The following SLC1A3 variants were observed in gnomAD, a reference collection of about 807,000 sequenced individuals.
SLC1A3 encodes the protein excitatory amino acid transporter 1.
SLC1A3 carries 21 observed loss-of-function variants against 48.1 expected under a neutral mutation model. The observed-to-expected ratio is 0.44, with a 90% CI of 0.31 to 0.63. SLC1A3 has a LOEUF of 0.63. SLC1A3 is among the 20% of genes least tolerant of loss of function. The pLI, the probability that SLC1A3 is intolerant of heterozygous loss-of-function variation, is 0.08. For synonymous variants in SLC1A3, 239 were observed against 251.4 expected, an observed-to-expected ratio of 0.95 and a Z score of 0.47; for missense variants, 546 against 689.0, an observed-to-expected ratio of 0.79 and a Z score of 2.32.
rs1580053666 is a variant in SLC1A3 at position 36,686,237 on chromosome 5, G to A, written c.1597G>A (p.Glu533Lys). 6.2e-7 allele frequency: 1 copy of A among 1,614,056 alleles called. No individual in the cohort carries two copies. Among genetic ancestry groups the A allele is most frequent in the Non-Finnish European group, 8.5e-7 (1 of 1,179,890 alleles). ...YQLIAQDNETEKPIDSETKM is the reference protein window; with the variant it reads ...YQLIAQDNETKKPIDSETKM ...ACTGATTGCACAGGACAATGAAACTGAGAAACCCATCGACAGTGAAACCAA... is the reference window on the plus strand; with the variant it reads ...ACTGATTGCACAGGACAATGAAACTAAGAAACCCATCGACAGTGAAACCAA... Residue 533 changes from glutamate (E) to lysine (K), a missense_variant, in exon 10 of 10, where the codon GAG (glutamate) becomes AAG (lysine). This residue lies in a region of SLC1A3 where 56 missense variants were observed against 59.0 expected (regional missense o/e 0.95). Coordinates refer to ENST00000265113, the MANE Select transcript of SLC1A3 (RefSeq NM_004172.5).
At chr5:36,670,940 G>A (rs1393037507) in intron 3 of SLC1A3, 89 bp from the exon 4 acceptor site, 3 of 1,101,970 alleles carry the variant, frequency 2.7e-6, no homozygotes, top group Non-Finnish European at 4.1e-6. Flanking sequence ...TAAGGGTAGG[G>A]GAGTATAAAG....
chr5:36,653,870 G>T (rs1486539688), intron 3 of SLC1A3, among the ~76,000 whole-genome samples: 1 of 152,216 alleles, frequency 6.6e-6, no homozygotes, highest in Non-Finnish European at 1.5e-5. Flanking sequence ...TTTTGAGAGA[G>T]CCTCGCTCTG....
chr5:36,661,708 T>A (rs192367017), intron 3 of SLC1A3, among the ~76,000 whole-genome samples: 1 of 152,358 alleles, frequency 6.6e-6, no homozygotes, highest in East Asian at 1.9e-4. Flanking sequence ...AGGGCCAGAA[T>A]GAACTGGTCT....
intron 3 of SLC1A3, among the ~76,000 whole-genome samples, chr5:36,660,754 T>C (rs1437573682): frequency 6.6e-6 from 1 of 152,260 alleles, no homozygotes; most frequent in Non-Finnish European, 1.5e-5. Flanking sequence ...GGAACTATTC[T>C]TTTAGATAAA....
rs1441576449 is a variant in SLC1A3 at position 36,600,267 on chromosome 5, A to G, written c.-96+3589A>G. Reference sequence around the variant, plus strand: ...TCTTCAGGTTTAGAGCTGATGTGTCATGTTGCTTGTTTCATCATGAGATTT... The same window carrying G: ...TCTTCAGGTTTAGAGCTGATGTGTCGTGTTGCTTGTTTCATCATGAGATTT... On this transcript the variant is annotated intron_variant, in intron 1 of 9. Transcript: ENST00000680318. Among the ~76,000 whole-genome samples, 3 of 152,100 alleles carry G rather than the reference A, an allele frequency of 2.0e-5. No homozygotes were observed. In the East Asian group the frequency reaches 5.8e-4, roughly 29 times the overall value.
intron 9 of SLC1A3, among the ~76,000 whole-genome samples, chr5:36,684,878 C>T (rs931880163): frequency 6.6e-6 from 1 of 152,112 alleles, no homozygotes; most frequent in Non-Finnish European, 1.5e-5. Context: ...TGAGGGTGCC[C>T]GTGTCCTCTA....
chr5:36,609,196 A>G, intron 2 of SLC1A3: 17 of 982,408 alleles, frequency 1.7e-5, no homozygotes, highest in Non-Finnish European at 2.1e-5. Context: ...ATAACCAGCT[A>G]TACCTTTTTT....
At chr5:36,674,560 G>A (rs1159189197) in intron 5 of SLC1A3, among the ~76,000 whole-genome samples, 2 of 151,576 alleles carry the variant, frequency 1.3e-5, no homozygotes, top group African/African-American at 2.4e-5. Flanking sequence ...AGCCAAAGCA[G>A]AAAGGAATGG....
intron 6 of SLC1A3, 57 bp downstream of exon 6, chr5:36,677,241 T>C (rs1742252553): frequency 6.7e-7 from 1 of 1,492,858 alleles, no homozygotes; most frequent in Non-Finnish European, 9.3e-7. Flanking sequence ...GCCATCAACA[T>C]GTGTTCTGTA....
upstream of SLC1A3, among the ~76,000 whole-genome samples, chr5:36,602,071 T>C (rs921460421): frequency 1.3e-5 from 2 of 152,086 alleles, no homozygotes; most frequent in East Asian, 3.9e-4. Context: ...TGGGAGCACA[T>C]AGGAAAGGCA....
At chr5:36,599,401 A>T (rs552712040) in intron 1 of SLC1A3, among the ~76,000 whole-genome samples, 4 of 152,266 alleles carry the variant, frequency 2.6e-5, no homozygotes, top group African/African-American at 9.6e-5. Flanking sequence ...AGGCACAAAA[A>T]ATAGGACTGC....
rs1280662343 is a variant in SLC1A3 at position 36,620,776 on chromosome 5, AAAC to A, written c.182-8668_182-8666del. Among the ~76,000 whole-genome samples, 11 of 152,332 alleles carry A rather than the reference AAAC, an allele frequency of 7.2e-5. No homozygotes were observed. The South Asian group carries it at 2.3e-3, about 32-fold the overall frequency. ...ACATTTAGCAGGCAGAGAAAATAAT[AAAC>A]AACAAGCATAATAAATAGAAAATTA... On this transcript the variant is annotated intron_variant, in intron 2 of 9. Coordinates refer to ENST00000265113, the MANE Select transcript of SLC1A3 (RefSeq NM_004172.5).
At chr5:36,609,089 TTA>T (rs1351717215) in intron 2 of SLC1A3, 1 of 988,122 alleles carries the variant, frequency 1.0e-6, no homozygotes, top group African/African-American at 1.7e-5. Flanking sequence ...ACCGAATATT[TTA>T]TGTGTTTGCA....
At chr5:36,677,219 G>A (rs369975512) in intron 6 of SLC1A3, 35 bp downstream of exon 6, 101 of 1,571,864 alleles carry the variant, frequency 6.4e-5, no homozygotes, top group Admixed American at 1.7e-4. Context: ...TGTTATATAC[G>A]AGATGGTTAT....
intron 3 of SLC1A3, among the ~76,000 whole-genome samples, chr5:36,658,235 A>T (rs1741361981): frequency 6.6e-6 from 1 of 152,192 alleles, no homozygotes; most frequent in Admixed American, 6.5e-5. Context: ...ACGAGAGCAG[A>T]AGAAGCCTTA....
chr5:36,659,945 G>A (rs1363198383), intron 3 of SLC1A3, among the ~76,000 whole-genome samples: 1 of 152,210 alleles, frequency 6.6e-6, no homozygotes, highest in African/African-American at 2.4e-5. Context: ...TATTTGTGAT[G>A]AGCCATAGTC....
chr5:36,610,468 G>T (rs1441291122), intron 2 of SLC1A3, among the ~76,000 whole-genome samples: 2 of 152,136 alleles, frequency 1.3e-5, no homozygotes, highest in Non-Finnish European at 2.9e-5. Context: ...ATTTGAAAAA[G>T]ATGGAGAAAC....
chr5:36,668,788 A>G (rs146554331), intron 3 of SLC1A3: 2 of 152,284 alleles, frequency 1.3e-5, no homozygotes, highest in African/African-American at 4.8e-5. Flanking sequence ...AAACCTATGA[A>G]CTTTATTTTC....
intron 4 of SLC1A3, among the ~76,000 whole-genome samples, chr5:36,672,707 C>T (rs1742047296): frequency 6.6e-6 from 1 of 152,188 alleles, no homozygotes; most frequent in South Asian, 2.1e-4. Flanking sequence ...TGTATGTAAA[C>T]ACTACCCAAG....
Sources: gnomAD v4.1 joint callset for allele counts (sites outside exome capture counted in the v4.1 genomes callset) on GRCh38, gnomAD v4.1.1 for gene constraint, gnomAD v4.1.1 regional missense constraint, MANE v1.5 for transcripts, NCBI Gene and HGNC (gene_info 2026-07-23, HGNC 2026-07-21) for gene names.